Variants in SHROOM2 observed in about 807,000 individuals in gnomAD.
SHROOM2 encodes protein Shroom2.
A neutral mutation model predicts 75.9 loss-of-function variants in SHROOM2; 33 were observed. The observed-to-expected ratio is 0.43, with a 90% CI of 0.33 to 0.58. SHROOM2 has a LOEUF of 0.58. Ranked by LOEUF, SHROOM2 falls within the 20% of genes least tolerant of loss-of-function variation. The pLI is 0.04. For synonymous variants in SHROOM2, 655 were observed against 663.6 expected (o/e 0.99, Z 0.20); for missense variants, 1,434 against 1,461.2 (o/e 0.98, Z 0.30).
intron 2 of SHROOM2, among the ~76,000 whole-genome samples, chrX:9,885,905 A>G (rs1452835858): frequency 2.0e-5 from 2 of 98,152 alleles, no homozygotes; most frequent in African/African-American, 7.6e-5. Context: ...GTGAGCCATG[A>G]TTGCGTCACT....
chrX:9,926,534 C>G (rs138240930), intron 5 of SHROOM2, among the ~76,000 whole-genome samples: 20 of 111,412 alleles, frequency 1.8e-4, no homozygotes, highest in African/African-American at 6.5e-4. Flanking sequence ...ACACATTCCT[C>G]TCTCACTGTA....
intron 1 of SHROOM2, among the ~76,000 whole-genome samples, chrX:9,832,859 G>C (rs1358598598): frequency 9.0e-6 from 1 of 111,458 alleles, no homozygotes; most frequent in Non-Finnish European, 1.9e-5. Context: ...GATATTTCTT[G>C]TTTTGTGTAT....
intron 5 of SHROOM2, among the ~76,000 whole-genome samples, chrX:9,920,084 C>A (rs370301197): frequency 6.2e-5 from 4 of 64,477 alleles, no homozygotes; most frequent in African/African-American, 2.7e-4. Flanking sequence ...CACTACGGTT[C>A]ATCAGACAGA....
At chrX:9,867,271 A>G (rs2084145364) in intron 1 of SHROOM2, among the ~76,000 whole-genome samples, 1 of 111,561 alleles carries the variant, frequency 9.0e-6, no homozygotes, top group Non-Finnish European at 1.9e-5. Context: ...TCAGTTAATA[A>G]CTAAAACAAC....
rs1363716813 is a variant in SHROOM2, at chrX:9,884,690, A to C, written c.318-6287A>C. 5.5e-5 allele frequency among the ~76,000 whole-genome samples: 6 copies of C among 108,693 alleles called. No individual in the cohort carries two copies. In the East Asian group the frequency reaches 1.1e-3, roughly 21 times the overall value. 94.4% of individuals were successfully genotyped at this position (108,693 alleles called of 115,157 possible). ...AACCCTGTCCTTTAAAAAAAAAAAA[A>C]AAAAAACCCAAACACTACCTAGCAT... On this transcript the variant is annotated intron_variant, in intron 2 of 9. Coordinates refer to ENST00000380913, the MANE Select transcript of SHROOM2 (RefSeq NM_001649.4).
In SHROOM2 at chrX:9,827,064, C is replaced by G. The variant is rs187664329; in HGVS notation, c.165+40354C>G. On this transcript the variant is annotated intron_variant, in intron 1 of 9. Transcript: ENST00000380913. ...TTGGCTGTGCTCCCTGGGGGAGCTG[C>G]GAAGCGCTATTGATGGCCAGGCTGC... is the stretch of plus-strand genomic sequence containing the variant. Among the ~76,000 whole-genome samples the G allele has an allele frequency of 1.6e-3, 178 of 110,234 alleles. 1 individual carries two copies. Among genetic ancestry groups the G allele is most frequent in the African/African-American group, 5.3e-3 (160 of 30,249 alleles).
At chrX:9,933,319 AG>A (rs1236960080) in intron 6 of SHROOM2, among the ~76,000 whole-genome samples, 1 of 108,960 alleles carries the variant, frequency 9.2e-6, no homozygotes, top group Non-Finnish European at 1.9e-5. Flanking sequence ...CTTTTTTTCC[AG>A]ATTTTTTTTT....
intron 1 of SHROOM2, among the ~76,000 whole-genome samples, chrX:9,854,131 G>T (rs1461770364): frequency 8.9e-6 from 1 of 112,537 alleles, no homozygotes; most frequent in East Asian, 2.8e-4. Flanking sequence ...ATTGTAAAGC[G>T]TACTGTTATA....
At chrX:9,850,406 G>A (rs2084032099) in intron 1 of SHROOM2, among the ~76,000 whole-genome samples, 1 of 112,032 alleles carries the variant, frequency 8.9e-6, no homozygotes, top group Non-Finnish European at 1.9e-5. Flanking sequence ...GTCGCTTCAG[G>A]TTATGAAGTG....
At chrX:9,918,541 G>T (rs759702349) in intron 5 of SHROOM2, among the ~76,000 whole-genome samples, 1 of 111,784 alleles carries the variant, frequency 8.9e-6, no homozygotes, top group East Asian at 2.8e-4. Flanking sequence ...GAGTGCAGTG[G>T]TGCAATCACA....
intron 1 of SHROOM2, among the ~76,000 whole-genome samples, chrX:9,867,272 C>G (rs1447060125): frequency 9.0e-6 from 1 of 111,405 alleles, no homozygotes. Flanking sequence ...CAGTTAATAA[C>G]TAAAACAACA....
intron 5 of SHROOM2, among the ~76,000 whole-genome samples, chrX:9,924,886 G>A (rs983005811): frequency 1.4e-4 from 15 of 110,608 alleles, no homozygotes; most frequent in Non-Finnish European, 2.6e-4. Context: ...TGTTCAGAGT[G>A]GTCTTGAATT....
At chrX:9,926,981 G>A (rs916776008) in intron 5 of SHROOM2, among the ~76,000 whole-genome samples, 3 of 111,001 alleles carry the variant, frequency 2.7e-5, no homozygotes, top group Non-Finnish European at 5.7e-5. Context: ...AGTTCATCGC[G>A]GGCAGCATTT....
intron 1 of SHROOM2, among the ~76,000 whole-genome samples, chrX:9,790,295 G>A (rs992239475): frequency 1.2e-4 from 13 of 111,970 alleles, no homozygotes; most frequent in South Asian, 3.7e-4. Flanking sequence ...CCCGAGGACC[G>A]GGGAGATCAG....
At chrX:9,894,337 T>C (rs2084310866) in intron 3 of SHROOM2, 21 bp from the exon 4 acceptor site, 1 of 1,192,698 alleles carries the variant, frequency 8.4e-7, no homozygotes, top group South Asian at 1.8e-5. Flanking sequence ...CCATGCCTTG[T>C]CCTTCTTCTC....
At position 9,937,356 on chromosome X, in the gene SHROOM2, C is replaced by G; in HGVS notation, c.3810C>G (p.Pro1270=). The stretch of plus-strand genomic sequence containing the variant: ...TGTACACGCGGCAGGGTGCTGAGCC[C>G]GAGGCCCCACATAGGGCCCAGCCGG... ...FCLYTRQGAE[P]EAPHRAQPAE... The change falls in exon 7 of 10, where the codon CCC becomes CCG. Residue 1270 remains proline, a synonymous_variant. Transcript: ENST00000380913. 8.3e-7 allele frequency: 1 copy of G among 1,203,949 alleles called. No individual in the cohort carries two copies.
intron 6 of SHROOM2, among the ~76,000 whole-genome samples, chrX:9,933,999 C>G (rs2084675701): frequency 9.0e-6 from 1 of 111,371 alleles, no homozygotes; most frequent in Non-Finnish European, 1.9e-5. Flanking sequence ...GGGGTGCTCT[C>G]TGCATCTAGT....
intron 1 of SHROOM2, among the ~76,000 whole-genome samples, chrX:9,805,885 CAG>C (rs1352977171): frequency 3.2e-5 from 3 of 94,615 alleles, no homozygotes; most frequent in African/African-American, 1.3e-4. Context: ...GCCTGGGTGA[CAG>C]AGTGAAACTG....
At chrX:9,934,855 T>C (rs773310414) in intron 6 of SHROOM2, among the ~76,000 whole-genome samples, 4 of 111,388 alleles carry the variant, frequency 3.6e-5, no homozygotes, top group East Asian at 5.6e-4. Context: ...AGTGGTGCGA[T>C]CTTGACTTTT....
Sources: gnomAD v4.1 joint callset for allele counts (sites outside exome capture counted in the v4.1 genomes callset) on GRCh38, gnomAD v4.1.1 for gene constraint, MANE v1.5 for transcripts, NCBI Gene and HGNC (gene_info 2026-07-23, HGNC 2026-07-21) for gene names.